The following EHBP1 variants were observed in gnomAD, a reference collection of about 807,000 sequenced individuals.
EHBP1 encodes EH domain binding protein 1, also known as EH domain-binding protein 1.
A neutral mutation model predicts 144.0 loss-of-function variants in EHBP1; 55 were observed. That is an observed-to-expected ratio of 0.38 (90% CI 0.31 to 0.48). The LOEUF is 0.48. EHBP1 is among the 20% of genes least tolerant of loss of function. The pLI, the probability that EHBP1 is intolerant of heterozygous loss-of-function variation, is 0.98. For synonymous variants in EHBP1, 469 were observed against 472.7 expected, an observed-to-expected ratio of 0.99 and a Z score of 0.10; for missense variants, 1,200 against 1,364.2, an observed-to-expected ratio of 0.88 and a Z score of 1.90.
intron 10 of EHBP1, among the ~76,000 whole-genome samples, chr2:62,916,817 C>A (rs1295783743): frequency 3.4e-5 from 5 of 148,902 alleles, no homozygotes; most frequent in Non-Finnish European, 7.4e-5. Flanking sequence ...AATTTACATA[C>A]ACAAATTTTA....
At chr2:62,869,625 G>T (rs1436421733) in intron 9 of EHBP1, among the ~76,000 whole-genome samples, 1 of 152,186 alleles carries the variant, frequency 6.6e-6, no homozygotes, top group Non-Finnish European at 1.5e-5. Context: ...ATCAGAGCTG[G>T]AGGGAGGAAG....
rs530557598 is a variant in EHBP1 at position 62,684,119 on chromosome 2, A to G, written c.-296+10036A>G. On this transcript the variant is annotated intron_variant, in intron 1 of 22. Coordinates refer to the EHBP1 transcript ENST00000405015. ...ACAAAGGACAACTCTGTGAGAGTAT[A>G]TGGGTGTGCACAGATGTTCATATGC... Among the ~76,000 whole-genome samples the G allele has an allele frequency of 2.6e-5, 4 of 152,344 alleles. No homozygotes were observed. The East Asian group carries it at 7.7e-4, about 29-fold the overall frequency.
chr2:62,736,648 G>A (rs570335144), intron 2 of EHBP1, among the ~76,000 whole-genome samples: 10 of 152,186 alleles, frequency 6.6e-5, no homozygotes, highest in Non-Finnish European at 1.2e-4. Flanking sequence ...CCATCGTAGT[G>A]TTTTTGATCT....
intron 5 of EHBP1, among the ~76,000 whole-genome samples, chr2:62,792,841 C>G (rs886284926): frequency 1.3e-5 from 2 of 151,786 alleles, no homozygotes; most frequent in Non-Finnish European, 2.9e-5. Context: ...CTGAAGAAGA[C>G]ATCTATTGTA....
At chr2:62,764,545 C>T (rs1451454242) in intron 4 of EHBP1, among the ~76,000 whole-genome samples, 184 bp downstream of exon 4, 3 of 151,944 alleles carry the variant, frequency 2.0e-5, no homozygotes, top group Non-Finnish European at 4.4e-5. Context: ...TTTATAAAGT[C>T]GGGGATCTTC....
chr2:62,928,229 A>G (rs533991220), intron 10 of EHBP1, among the ~76,000 whole-genome samples: 1 of 152,320 alleles, frequency 6.6e-6, no homozygotes, highest in Non-Finnish European at 1.5e-5. Flanking sequence ...CCTGTTAGAT[A>G]GTACTCTGTT....
At chr2:62,728,179 G>C (rs1381611916) in intron 2 of EHBP1, among the ~76,000 whole-genome samples, 1 of 152,168 alleles carries the variant, frequency 6.6e-6, no homozygotes, top group Non-Finnish European at 1.5e-5. Context: ...CCTAAGGCCA[G>C]TTCCTGGAAT....
At chr2:62,741,144 G>A (rs2038671174) in intron 2 of EHBP1, among the ~76,000 whole-genome samples, 1 of 152,128 alleles carries the variant, frequency 6.6e-6, no homozygotes, top group East Asian at 1.9e-4. Flanking sequence ...CTAGAATCCT[G>A]TCCATTTAGA....
intron 15 of EHBP1, among the ~76,000 whole-genome samples, chr2:62,984,237 T>C (rs1476973431): frequency 2.6e-5 from 4 of 152,218 alleles, no homozygotes; most frequent in African/African-American, 9.6e-5. Context: ...CTTTTTTAAC[T>C]GTCACCAGAT....
chr2:62,871,436 C>T (rs1293108835), intron 9 of EHBP1, among the ~76,000 whole-genome samples: 1 of 152,196 alleles, frequency 6.6e-6, no homozygotes, highest in African/African-American at 2.4e-5. Context: ...TGTAAATACT[C>T]TAGCTTCTTT....
chr2:62,914,446 G>T (rs529027727), intron 10 of EHBP1, among the ~76,000 whole-genome samples: 3 of 152,088 alleles, frequency 2.0e-5, no homozygotes, highest in African/African-American at 7.2e-5. Flanking sequence ...TCAAAAATAC[G>T]TGAATATAAA....
intron 8 of EHBP1, among the ~76,000 whole-genome samples, chr2:62,859,995 C>T (rs997053436): frequency 2.0e-5 from 3 of 152,128 alleles, no homozygotes; most frequent in Admixed American, 6.5e-5. Flanking sequence ...AATTTTGCTA[C>T]TGCCTGTCAT....
At chr2:62,968,425 T>A (rs1052102073) in intron 14 of EHBP1, among the ~76,000 whole-genome samples, 1 of 152,156 alleles carries the variant, frequency 6.6e-6, no homozygotes, top group Non-Finnish European at 1.5e-5. Flanking sequence ...TAAGCACATA[T>A]ATATCTGTAT....
chr2:62,846,429 A>G (rs892706121), intron 7 of EHBP1, among the ~76,000 whole-genome samples: 4 of 152,246 alleles, frequency 2.6e-5, no homozygotes, highest in African/African-American at 9.6e-5. Context: ...AGATGCAGAA[A>G]GGAACATTTG....
At chr2:62,692,806 T>C (rs360796) in intron 1 of EHBP1, among the ~76,000 whole-genome samples, 23,789 of 152,046 alleles carry the variant, frequency 0.16, 2,134 homozygotes, top group Middle Eastern at 0.24. Context: ...TACTTTGATA[T>C]AGTCATATAA....
intron 2 of EHBP1, among the ~76,000 whole-genome samples, chr2:62,729,540 A>G (rs1225350288): frequency 2.5e-5 from 3 of 121,760 alleles, no homozygotes; most frequent in African/African-American, 9.7e-5. Flanking sequence ...TATATATAAT[A>G]TATATTATAT....
intron 5 of EHBP1, among the ~76,000 whole-genome samples, chr2:62,809,396 A>G (rs2044789135): frequency 6.6e-6 from 1 of 151,684 alleles, no homozygotes; most frequent in Admixed American, 6.6e-5. Context: ...GGAATTTTCT[A>G]CTGTGGTTAC....
At chr2:62,778,054 G>A (rs547294733) in intron 5 of EHBP1, among the ~76,000 whole-genome samples, 7 of 152,130 alleles carry the variant, frequency 4.6e-5, no homozygotes, top group Non-Finnish European at 1.0e-4. Context: ...GATCAGTGGG[G>A]TATCAAAATG....
At chr2:63,029,853 C>T (rs1467062278) in intron 19 of EHBP1, among the ~76,000 whole-genome samples, 1 of 152,124 alleles carries the variant, frequency 6.6e-6, no homozygotes, top group Non-Finnish European at 1.5e-5. Flanking sequence ...CTCAGCCTCC[C>T]GAGTAGCTGG....
Sources: gnomAD v4.1 joint callset for allele counts (sites outside exome capture counted in the v4.1 genomes callset) on GRCh38, gnomAD v4.1.1 for gene constraint, MANE v1.5 for transcripts, NCBI Gene and HGNC (gene_info 2026-07-23, HGNC 2026-07-21) for gene names.